Variants in FA2H observed in about 807,000 individuals in gnomAD.
FA2H encodes fatty acid 2-hydroxylase, also known as fatty acid alpha-hydroxylase.
In FA2H, 22 loss-of-function variants were observed where a neutral mutation model predicts 44.9. The ratio of observed to expected loss-of-function variants is 0.49; its 90% confidence interval spans 0.35 to 0.70. The LOEUF is 0.70. Ranked by LOEUF, FA2H falls within the 30% of genes least tolerant of loss-of-function variation. The probability of loss-of-function intolerance (pLI) is 0.01; values close to 1 mark genes in which losing one functional copy is unlikely to be tolerated. For missense variants in FA2H, 501 were observed against 504.9 expected, an observed-to-expected ratio of 0.99 and a Z score of 0.07; for synonymous variants, 243 against 213.2, an observed-to-expected ratio of 1.14 and a Z score of -1.22.
At chr16:74,723,174 T>G (rs994233446) in intron 4 of FA2H, among the ~76,000 whole-genome samples, 7 of 152,244 alleles carry the variant, frequency 4.6e-5, no homozygotes, top group African/African-American at 1.7e-4. Flanking sequence ...TGTACACCTA[T>G]GGGCATTTTT....
At chr16:74,730,722 C>G (rs1786831603) in intron 2 of FA2H, among the ~76,000 whole-genome samples, 1 of 152,200 alleles carries the variant, frequency 6.6e-6, no homozygotes, top group Non-Finnish European at 1.5e-5. Context: ...GTCCCAGCTA[C>G]AGTAGCACTC....
intron 1 of FA2H, among the ~76,000 whole-genome samples, chr16:74,755,408 G>A (rs1473804952): frequency 1.3e-5 from 2 of 152,174 alleles, no homozygotes; most frequent in East Asian, 1.9e-4. Context: ...TCAAACTCCC[G>A]ACCTCAGGTG....
intron 2 of FA2H, among the ~76,000 whole-genome samples, chr16:74,732,267 C>T (rs1239760253): frequency 6.6e-6 from 1 of 152,164 alleles, no homozygotes; most frequent in Non-Finnish European, 1.5e-5. Flanking sequence ...GTGCACTTTA[C>T]ACAGACTGAG....
At chr16:74,761,226 C>T (rs1184326833) in intron 1 of FA2H, among the ~76,000 whole-genome samples, 1 of 152,094 alleles carries the variant, frequency 6.6e-6, no homozygotes, top group Non-Finnish European at 1.5e-5. Context: ...CCAAGGCGAG[C>T]AGATCACCCT....
intron 4 of FA2H, 71 bp downstream of exon 4, chr16:74,726,154 G>A (rs1180431484): frequency 4.8e-6 from 5 of 1,035,878 alleles, no homozygotes; most frequent in Non-Finnish European, 7.5e-6. Context: ...AGAAACTCTG[G>A]GCCAGGGAAA....
chr16:74,753,224 T>G (rs1962558795), intron 1 of FA2H, among the ~76,000 whole-genome samples: 2 of 152,162 alleles, frequency 1.3e-5, no homozygotes, highest in African/African-American at 4.8e-5. Flanking sequence ...ACACCGCCAG[T>G]TAGATACAGA....
chr16:74,751,180 T>C (rs899935850), intron 1 of FA2H, among the ~76,000 whole-genome samples: 23 of 151,992 alleles, frequency 1.5e-4, no homozygotes, highest in African/African-American at 5.6e-4. Context: ...CTGCAACCTC[T>C]GCCTCCCGGG....
chr16:74,767,406 G>T (rs1050725265), intron 1 of FA2H, among the ~76,000 whole-genome samples: 2 of 152,194 alleles, frequency 1.3e-5, no homozygotes, highest in Non-Finnish European at 2.9e-5. Context: ...CACAACCGGG[G>T]TCTGGATGGT....
chr16:74,763,553 C>T (rs926667102), intron 1 of FA2H, among the ~76,000 whole-genome samples: 2 of 152,310 alleles, frequency 1.3e-5, no homozygotes, highest in Non-Finnish European at 2.9e-5. Flanking sequence ...CCACCGTGCC[C>T]GGCCTGGAAT....
chr16:74,719,194 G>C (rs768292367), intron 4 of FA2H, 34 bp from the exon 5 acceptor site: 1 of 1,593,438 alleles, frequency 6.3e-7, no homozygotes, highest in African/African-American at 1.3e-5. Flanking sequence ...GGTGAGGACC[G>C]GTGCATAGCA....
chr16:74,741,206 G>A (rs1384230137), intron 1 of FA2H: 1 of 152,266 alleles, frequency 6.6e-6, no homozygotes, highest in Non-Finnish European at 1.5e-5. Context: ...CCTTCTCTGT[G>A]TCCTTGTGAC....
Position 74,714,199 on chromosome 16 carries a change from C to T in FA2H, c.1110G>A (p.Lys370=). 6.4e-7 allele frequency: 1 copy of T among 1,562,326 alleles called. No homozygotes were observed. The highest frequency in any genetic ancestry group is 8.7e-7 in the Non-Finnish European group (1 of 1,152,624). ...HTLTPEKPHL[K]TQ ...GAGGGGGTGGGAGTTGTCACTGCGT[C>T]TTCAGGTGGGGTTTCTCTGGAGTGA... is the stretch of plus-strand genomic sequence containing the variant. The change falls in exon 7 of 7, where the codon AAG becomes AAA. Residue 370 remains lysine, a synonymous_variant. Transcript: ENST00000219368.
chr16:74,743,262 G>A (rs943627319), intron 1 of FA2H, among the ~76,000 whole-genome samples: 3 of 152,210 alleles, frequency 2.0e-5, no homozygotes, highest in Non-Finnish European at 4.4e-5. Context: ...TGTGGGGCTC[G>A]ATGATCTATC....
At chr16:74,770,464 C>T (rs376921141) in intron 1 of FA2H, among the ~76,000 whole-genome samples, 29 of 152,288 alleles carry the variant, frequency 1.9e-4, no homozygotes, top group Middle Eastern at 3.4e-3. Flanking sequence ...CTGCAACTTC[C>T]GCCTCCTGGG....
intron 2 of FA2H, among the ~76,000 whole-genome samples, chr16:74,732,591 C>A (rs1962095785): frequency 6.6e-6 from 1 of 152,050 alleles, no homozygotes; most frequent in Non-Finnish European, 1.5e-5. Flanking sequence ...CATGCACCAC[C>A]ATGCCTGGCT....
intron 1 of FA2H, among the ~76,000 whole-genome samples, chr16:74,763,383 G>C (rs8052469): frequency 0.023 from 3,557 of 151,904 alleles, 144 homozygotes; most frequent in African/African-American, 0.082. Context: ...TCAGCCTTCC[G>C]AGTAACTGGG....
In FA2H at chr16:74,774,608, G is replaced by T; in HGVS notation, c.148C>A (p.Leu50Met). The change falls in exon 1 of 7, where the codon CTG becomes ATG. Residue 50 changes from leucine to methionine, a missense_variant. Physicochemically the swap from Leu to Met is conservative, Grantham distance 15. Coordinates refer to ENST00000219368, the MANE Select transcript of FA2H (RefSeq NM_024306.5). The stretch of plus-strand genomic sequence containing the variant: ...ATGTCCTGGCCCGCCCTGGCCCGCA[G>T]CAGCTGCTCGCCCCCCGGGTGGTGC... ...VRHHPGGEQL[L>M]RARAGQDISA... 6.6e-7 allele frequency: 1 copy of T among 1,521,744 alleles called. No individual in the cohort carries two copies. 94.3% of individuals were successfully genotyped at this position (1,521,744 alleles called of 1,614,324 possible). A position where few individuals can be genotyped will look rare whatever the true frequency, so the allele number is the denominator to read the frequency against.
In FA2H at chr16:74,726,239, G is replaced by A. The variant is rs139261750; in HGVS notation, c.599C>T (p.Thr200Met). 58 of 1,612,320 alleles carry A rather than the reference G, an allele frequency of 3.6e-5. No homozygotes were observed. The highest frequency in any genetic ancestry group is 5.3e-5 in the African/African-American group (4 of 74,916). ...ACTGGCATTACCTGTTGTAAATGACGTGAAGAGTCGGACGTTGCCCTGGGC... is the reference window on the plus strand; with the variant it reads ...ACTGGCATTACCTGTTGTAAATGACATGAAGAGTCGGACGTTGCCCTGGGC... Reference protein sequence around the residue: ...TFAQGNVRLFTSFTTEYTVAV... With the variant: ...TFAQGNVRLFMSFTTEYTVAV... Residue 200 changes from threonine to methionine, a missense_variant, in exon 4 of 7, where the codon ACG becomes ATG. Coordinates refer to ENST00000219368, the MANE Select transcript of FA2H (RefSeq NM_024306.5).
intron 1 of FA2H, among the ~76,000 whole-genome samples, chr16:74,763,304 C>G (rs900905919): frequency 5.9e-5 from 9 of 152,140 alleles, no homozygotes; most frequent in African/African-American, 2.2e-4. Flanking sequence ...GTTACCCAGG[C>G]TGGAGTGCAG....
Sources: allele counts gnomAD v4.1 joint callset (sites outside exome capture counted in the v4.1 genomes callset), GRCh38; gene constraint gnomAD v4.1.1; transcripts MANE v1.5; gene names NCBI Gene and HGNC (gene_info 2026-07-23, HGNC 2026-07-21).